CDH12: variants seen among roughly 807,000 people sequenced by gnomAD.
The protein encoded by CDH12 is cadherin-12.
Under a neutral mutation model 74.1 loss-of-function variants are expected in CDH12, and 41 were observed. The ratio of observed to expected loss-of-function variants is 0.55; its 90% CI spans 0.43 to 0.72. The LOEUF (loss-of-function observed/expected upper bound fraction) is 0.72. Ranked by LOEUF, CDH12 falls within the 30% of genes least tolerant of loss-of-function variation. The pLI is 0.00. For missense variants in CDH12, 945 were observed against 977.2 expected (o/e 0.97, Z 0.44); for synonymous variants, 399 against 355.0 (o/e 1.12, Z -1.39).
intron 5 of CDH12, among the ~76,000 whole-genome samples, chr5:22,056,060 T>G (rs1580178116): frequency 6.6e-6 from 1 of 152,124 alleles, no homozygotes; most frequent in East Asian, 1.9e-4. Context: ...TTGCAAAATT[T>G]TTTAGTACAT....
At position 21,888,029 on chromosome 5, in the gene CDH12, T is replaced by TAAC. The variant is rs201463873; in HGVS notation, c.527-33242_527-33240dup. 5.5e-3 allele frequency among the ~76,000 whole-genome samples: 831 copies of TAAC among 151,592 alleles called. 13 individuals carry two copies. The highest frequency in any genetic ancestry group is 0.048 in the South Asian group (233 of 4,808). ...AAAAGTCTGAGTATAAGACAAACAA[T>TAAC]AACAACAACAACAACAAAACAGTCA... On this transcript the variant is annotated intron_variant, in intron 6 of 14. Coordinates refer to ENST00000382254, the MANE Select transcript of CDH12 (RefSeq NM_004061.5).
intron 5 of CDH12, among the ~76,000 whole-genome samples, chr5:22,001,382 T>C (rs1736593080): frequency 6.6e-6 from 1 of 152,150 alleles, no homozygotes. Context: ...ATTAAAATGC[T>C]CACTCCTCCC....
At chr5:22,310,764 T>C (rs1297048734) in intron 3 of CDH12, among the ~76,000 whole-genome samples, 3 of 152,194 alleles carry the variant, frequency 2.0e-5, no homozygotes, top group African/African-American at 7.2e-5. Context: ...AGGTTTAATC[T>C]TAGTCATCTT....
At chr5:21,920,585 G>A (rs962161603) in intron 6 of CDH12, among the ~76,000 whole-genome samples, 2 of 151,496 alleles carry the variant, frequency 1.3e-5, no homozygotes, top group Admixed American at 6.6e-5. Flanking sequence ...TATATGATGG[G>A]TTGATGGGTG....
At chr5:22,113,880 T>G (rs2150263998) in intron 4 of CDH12, among the ~76,000 whole-genome samples, 1 of 152,316 alleles carries the variant, frequency 6.6e-6, no homozygotes, top group Non-Finnish European at 1.5e-5. Flanking sequence ...ATTTCACTAT[T>G]CTCTGCTTTC....
chr5:22,842,278 T>A (rs1044344880), intron 1 of CDH12, among the ~76,000 whole-genome samples: 1 of 152,124 alleles, frequency 6.6e-6, no homozygotes, highest in Non-Finnish European at 1.5e-5. Context: ...AAATGGAAGA[T>A]GGCTAAAATT....
intron 3 of CDH12, among the ~76,000 whole-genome samples, chr5:22,399,301 G>A (rs1742609606): frequency 6.6e-6 from 1 of 151,790 alleles, no homozygotes; most frequent in African/African-American, 2.4e-5. Flanking sequence ...TGTATATGTG[G>A]CAGCAAGGAT....
At chr5:22,272,140 A>G (rs1202624857) in intron 3 of CDH12, among the ~76,000 whole-genome samples, 2 of 152,344 alleles carry the variant, frequency 1.3e-5, no homozygotes, top group East Asian at 1.9e-4. Flanking sequence ...CACCTTCATC[A>G]ATGATCTTAG....
chr5:22,398,714 G>A (rs1742575930), intron 3 of CDH12, among the ~76,000 whole-genome samples: 1 of 152,052 alleles, frequency 6.6e-6, no homozygotes, highest in Non-Finnish European at 1.5e-5. Context: ...AAAGATATGA[G>A]AGCCTTTCTA....
intron 3 of CDH12, among the ~76,000 whole-genome samples, chr5:22,374,438 T>C (rs1358863822): frequency 2.6e-5 from 4 of 152,218 alleles, no homozygotes; most frequent in African/African-American, 9.6e-5. Context: ...CTATTCAATA[T>C]GTACTGGAAA....
At chr5:22,251,416 A>T (rs1230605893) in intron 3 of CDH12, among the ~76,000 whole-genome samples, 1 of 152,210 alleles carries the variant, frequency 6.6e-6, no homozygotes, top group Non-Finnish European at 1.5e-5. Context: ...TAAAAACACC[A>T]GTGTACACTG....
chr5:22,459,816 A>G (rs538357929), intron 2 of CDH12, among the ~76,000 whole-genome samples: 2 of 152,140 alleles, frequency 1.3e-5, no homozygotes, highest in South Asian at 2.1e-4. Flanking sequence ...AACACAAAAA[A>G]TTAGCCGGGC....
intron 5 of CDH12, among the ~76,000 whole-genome samples, chr5:22,054,548 G>C (rs1396125878): frequency 6.6e-6 from 1 of 151,964 alleles, no homozygotes; most frequent in Non-Finnish European, 1.5e-5. Context: ...TGAGAAGAGG[G>C]CAAAATTTTA....
intron 11 of CDH12, among the ~76,000 whole-genome samples, chr5:21,776,897 G>A (rs1216809788): frequency 6.6e-6 from 1 of 152,104 alleles, no homozygotes; most frequent in Non-Finnish European, 1.5e-5. Context: ...TACCAAGTAT[G>A]TTTTTGTTCA....
chr5:21,861,271 T>C (rs1050564802), intron 6 of CDH12, among the ~76,000 whole-genome samples: 5 of 151,850 alleles, frequency 3.3e-5, no homozygotes, highest in African/African-American at 1.2e-4. Flanking sequence ...TATTTCAGTT[T>C]TTATTAACAT....
intron 7 of CDH12, 145 bp downstream of exon 7, chr5:21,854,526 G>A: frequency 1.9e-6 from 1 of 515,132 alleles, no homozygotes; most frequent in East Asian, 3.2e-5. Context: ...CAGCAGCAAG[G>A]AAAGATCCCA....
At chr5:21,825,347 T>C (rs1237380912) in intron 8 of CDH12, among the ~76,000 whole-genome samples, 1 of 152,160 alleles carries the variant, frequency 6.6e-6, no homozygotes, top group Non-Finnish European at 1.5e-5. Flanking sequence ...GTAAGCATTC[T>C]TTCAATTGAA....
chr5:22,817,471 A>G (rs978275764), intron 1 of CDH12, among the ~76,000 whole-genome samples: 4 of 152,134 alleles, frequency 2.6e-5, no homozygotes, highest in African/African-American at 9.6e-5. Context: ...ATAAAAATAT[A>G]GATGGCAAAT....
intron 5 of CDH12, among the ~76,000 whole-genome samples, chr5:22,059,539 C>A (rs1244480766): frequency 6.6e-6 from 1 of 152,068 alleles, no homozygotes; most frequent in African/African-American, 2.4e-5. Context: ...CCAATTCTTG[C>A]CTGAACTTAT....
Sources: gnomAD v4.1 joint callset for allele counts (sites outside exome capture counted in the v4.1 genomes callset) on GRCh38, gnomAD v4.1.1 for gene constraint, MANE v1.5 for transcripts, NCBI Gene and HGNC (gene_info 2026-07-23, HGNC 2026-07-21) for gene names.